The following HDAC9 variants were observed in gnomAD, a reference collection of about 807,000 sequenced individuals.
HDAC9 encodes the protein MEF-2 interacting transcription repressor (MITR) protein.
In HDAC9, 41 loss-of-function variants were observed where a neutral mutation model predicts 139.4. The ratio of observed to expected loss-of-function variants is 0.29; its 90% CI spans 0.23 to 0.38. The LOEUF (loss-of-function observed/expected upper bound fraction) is 0.38. HDAC9 is among the 10% of genes least tolerant of loss of function. The pLI is 1.00. For missense variants in HDAC9, 1,147 were observed against 1,297.0 expected (o/e 0.88, Z 1.78); for synonymous variants, 517 against 476.2 (o/e 1.09, Z -1.12).
intron 6 of HDAC9, among the ~76,000 whole-genome samples, chr7:18,596,371 C>A (rs1832500716): frequency 6.6e-6 from 1 of 152,024 alleles, no homozygotes; most frequent in African/African-American, 2.4e-5. Context: ...TCATTAATTA[C>A]AAAATAGGTG....
intron 17 of HDAC9, among the ~76,000 whole-genome samples, chr7:18,803,327 C>T (rs1793453500): frequency 6.6e-6 from 1 of 152,072 alleles, no homozygotes; most frequent in South Asian, 2.1e-4. Context: ...AGACTAGTAG[C>T]ACTGACGAGG....
At chr7:18,155,101 T>G (rs1030358936) in intron 1 of HDAC9, among the ~76,000 whole-genome samples, 1 of 128,938 alleles carries the variant, frequency 7.8e-6, no homozygotes, top group Non-Finnish European at 1.5e-5. Flanking sequence ...TTCTTTTTTT[T>G]TTTTTAACAA....
intron 1 of HDAC9, among the ~76,000 whole-genome samples, chr7:18,354,540 T>C (rs1022677025): frequency 2.6e-5 from 4 of 152,200 alleles, no homozygotes; most frequent in African/African-American, 9.7e-5. Flanking sequence ...ATATTAATTA[T>C]AGTGGTTTGA....
intron 2 of HDAC9, among the ~76,000 whole-genome samples, chr7:18,498,869 C>T (rs1242440943): frequency 6.6e-6 from 1 of 151,998 alleles, no homozygotes; most frequent in East Asian, 1.9e-4. Flanking sequence ...GTGAATGAAC[C>T]TAAGATCTTG....
chr7:18,415,754 G>A (rs1562965704), intron 1 of HDAC9, among the ~76,000 whole-genome samples: 1 of 152,130 alleles, frequency 6.6e-6, no homozygotes, highest in Non-Finnish European at 1.5e-5. Flanking sequence ...GTTCCTTTTA[G>A]AGATCATTTA....
rs116351487 is a variant in HDAC9 at position 18,730,192 on chromosome 7, T to C, written c.1909+2435T>C. ...TACTTGATATGTAACATTCATTTAG[T>C]ACTATTCCAAATCCTAAGGAAATGA... On this transcript the variant is annotated intron_variant, in intron 13 of 25. Coordinates refer to ENST00000686413, the MANE Select transcript of HDAC9 (RefSeq NM_178425.4). Among the ~76,000 whole-genome samples the C allele has an allele frequency of 2.4e-3, 372 of 152,300 alleles. 4 individuals carry two copies. Among genetic ancestry groups the C allele is most frequent in the African/African-American group, 8.5e-3 (352 of 41,572 alleles).
intron 2 of HDAC9, among the ~76,000 whole-genome samples, chr7:18,523,575 A>G (rs1805773644): frequency 6.7e-6 from 1 of 149,582 alleles, no homozygotes; most frequent in African/African-American, 2.5e-5. Flanking sequence ...AAACAACCTT[A>G]TATATTTGCC....
At chr7:18,157,588 G>T (rs1012013075) in intron 1 of HDAC9, among the ~76,000 whole-genome samples, 2 of 152,154 alleles carry the variant, frequency 1.3e-5, no homozygotes, top group East Asian at 3.9e-4. Flanking sequence ...AGATAAGAAA[G>T]ATATTTTTAA....
At chr7:18,263,600 A>C (rs1235706538) in intron 2 of HDAC9, among the ~76,000 whole-genome samples, 1 of 138,430 alleles carries the variant, frequency 7.2e-6, no homozygotes, top group Non-Finnish European at 1.5e-5. Context: ...GCTTGGTAAG[A>C]GTTTATAATT....
intron 12 of HDAC9, among the ~76,000 whole-genome samples, chr7:18,702,021 T>C (rs546142938): frequency 2.6e-5 from 4 of 152,354 alleles, no homozygotes; most frequent in African/African-American, 9.6e-5. Flanking sequence ...TTTCTTACTG[T>C]TTAACTTCAG....
At position 18,101,128 on chromosome 7, in the gene HDAC9, AG is replaced by A. The variant is rs560382426; in HGVS notation, c.-97+13921del. 7.2e-5 allele frequency among the ~76,000 whole-genome samples: 11 copies of A among 152,246 alleles called. No individual in the cohort carries two copies. The South Asian group carries it at 2.3e-3, about 32-fold the overall frequency. On this transcript the variant is annotated intron_variant, in intron 1 of 12. Transcript: ENST00000417496. ...TGATCATTACACTGCTGAATATTCA[AG>A]GGGGGAGCTCATTTGTAGACCTCTG...
chr7:18,351,615 C>T (rs960385869), intron 1 of HDAC9, among the ~76,000 whole-genome samples: 1 of 152,128 alleles, frequency 6.6e-6, no homozygotes, highest in Non-Finnish European at 1.5e-5. Context: ...GAAGTTGAAT[C>T]TCAGCTCTAT....
At chr7:18,270,120 G>T (rs148377818) in intron 2 of HDAC9, among the ~76,000 whole-genome samples, 1 of 152,072 alleles carries the variant, frequency 6.6e-6, no homozygotes, top group African/African-American at 2.4e-5. Flanking sequence ...ATTGCTAGAT[G>T]TCCCCCTGGG....
Position 18,901,237 on chromosome 7 carries a change from C to T in HDAC9, c.2803+26641C>T, listed in dbSNP as rs1025329971. Among the ~76,000 whole-genome samples, 38 of 148,772 alleles carry T rather than the reference C, an allele frequency of 2.6e-4. 1 individual carries two copies. Among genetic ancestry groups the T allele is most frequent in the Non-Finnish European group, 4.6e-4 (31 of 67,354 alleles). On this transcript the variant is annotated intron_variant, in intron 22 of 25. Transcript: ENST00000686413. ...ATATATATATACACACACACACACACACACACACACATATATACATATACA... is the reference window on the plus strand; with the variant it reads ...ATATATATATACACACACACACACATACACACACACATATATACATATACA...
At chr7:18,993,048 C>T (rs1786118435) in intron 25 of HDAC9, among the ~76,000 whole-genome samples, 2 of 150,174 alleles carry the variant, frequency 1.3e-5, no homozygotes, top group Non-Finnish European at 3.0e-5. Flanking sequence ...GCTTCTCATT[C>T]CTCCAAACAC....
chr7:18,985,180 G>A (rs543684675), intron 25 of HDAC9, among the ~76,000 whole-genome samples: 19 of 151,888 alleles, frequency 1.3e-4, no homozygotes, highest in African/African-American at 3.6e-4. Context: ...CCACTAATTC[G>A]TCATCTAGCA....
At chr7:18,869,934 T>C (rs776035811) in intron 21 of HDAC9, among the ~76,000 whole-genome samples, 1 of 151,888 alleles carries the variant, frequency 6.6e-6, no homozygotes, top group Non-Finnish European at 1.5e-5. Context: ...ATTCCGGAAA[T>C]TTGTTAGAAA....
In HDAC9 at chr7:18,237,157, G is replaced by T. The variant is rs146792080; in HGVS notation, c.25+74808G>T. On this transcript the variant is annotated intron_variant, in intron 2 of 12. Coordinates refer to the HDAC9 transcript ENST00000417496. ...CCCCAGCTTACACTGTTGTTGGTTG[G>T]GGAGCCAGGGCAACTGGCTACGGAG... 2.0e-5 allele frequency among the ~76,000 whole-genome samples: 3 copies of T among 152,284 alleles called. No individual in the cohort carries two copies. In the East Asian group the frequency reaches 5.8e-4, roughly 29 times the overall value.
At chr7:18,633,847 G>A (rs73063179) in intron 7 of HDAC9, among the ~76,000 whole-genome samples, 3,691 of 152,176 alleles carry the variant, frequency 0.024, 68 homozygotes, top group Middle Eastern at 0.055. Context: ...TTTAATAAAT[G>A]CATTAGTTTC....
Sources: allele counts gnomAD v4.1 joint callset (sites outside exome capture counted in the v4.1 genomes callset), GRCh38; gene constraint gnomAD v4.1.1; transcripts MANE v1.5; gene names NCBI Gene and HGNC (gene_info 2026-07-23, HGNC 2026-07-21).